TENM4: variants seen among roughly 807,000 people sequenced by gnomAD.
TENM4 encodes the protein teneurin-4.
Under a neutral mutation model 243.3 loss-of-function variants are expected in TENM4, and 82 were observed. The ratio of observed to expected loss-of-function variants is 0.34; its 90% CI spans 0.28 to 0.40. The LOEUF is 0.40. TENM4 is among the 10% of genes least tolerant of loss of function. The pLI is 1.00. For missense variants in TENM4, 3,138 were observed against 3,673.3 expected (o/e 0.85, Z 3.77); for synonymous variants, 1,412 against 1,456.3 (o/e 0.97, Z 0.69).
intron 2 of TENM4, among the ~76,000 whole-genome samples, chr11:79,289,226 T>C (rs901653875): frequency 1.3e-5 from 2 of 152,216 alleles, no homozygotes; most frequent in African/African-American, 4.8e-5. Context: ...TTCTGAGCCC[T>C]CATCTGAATG....
Position 79,075,002 on chromosome 11 carries a change from T to C in TENM4, c.-65-4993A>G, listed in dbSNP as rs148424462. ...CATTAAAGTCTGCTCCTCTAAGCCATCTAGAGTGAACTGTTTCCTGTTAGG... is the reference window on the plus strand; with the variant it reads ...CATTAAAGTCTGCTCCTCTAAGCCACCTAGAGTGAACTGTTTCCTGTTAGG... On this transcript the variant is annotated intron_variant, in intron 4 of 33. Coordinates refer to ENST00000278550, the MANE Select transcript of TENM4 (RefSeq NM_001098816.3). 3.3e-5 allele frequency among the ~76,000 whole-genome samples: 5 copies of C among 152,314 alleles called. No homozygotes were observed. In the East Asian group the frequency reaches 9.6e-4, roughly 29 times the overall value.
intron 3 of TENM4, among the ~76,000 whole-genome samples, chr11:79,189,036 C>A (rs965783870): frequency 6.6e-6 from 1 of 152,092 alleles, no homozygotes; most frequent in Non-Finnish European, 1.5e-5. Context: ...AGGTGGGATG[C>A]CTTTCTTGTT....
chr11:79,135,196 G>C (rs918952614), intron 4 of TENM4, among the ~76,000 whole-genome samples: 3 of 151,840 alleles, frequency 2.0e-5, no homozygotes, highest in African/African-American at 7.3e-5. Context: ...ACACGAACAG[G>C]CAATTCTCAA....
intron 2 of TENM4, among the ~76,000 whole-genome samples, chr11:79,237,242 G>T (rs1425080841): frequency 6.6e-6 from 1 of 152,132 alleles, no homozygotes; most frequent in Non-Finnish European, 1.5e-5. Context: ...TTAAAGACCT[G>T]TATTAACTGG....
intron 2 of TENM4, among the ~76,000 whole-genome samples, chr11:79,234,849 G>A (rs1342146031): frequency 6.6e-6 from 1 of 152,196 alleles, no homozygotes; most frequent in Non-Finnish European, 1.5e-5. Flanking sequence ...GGCCCGCAGT[G>A]AGCCTTTTCC....
chr11:78,926,670 G>GTT (rs965745140), intron 6 of TENM4, among the ~76,000 whole-genome samples: 3 of 133,216 alleles, frequency 2.3e-5, no homozygotes, highest in African/African-American at 9.7e-5. Context: ...AAATAAAGGT[G>GTT]TTTTTTGTTT....
At chr11:79,431,927 ATCCC>A (rs906976362) in intron 1 of TENM4, among the ~76,000 whole-genome samples, 2 of 152,046 alleles carry the variant, frequency 1.3e-5, no homozygotes, top group Non-Finnish European at 2.9e-5. Context: ...TTTTTTTTTA[ATCCC>A]AACCTTAATC....
chr11:79,130,963 C>G (rs1398705354), intron 4 of TENM4, among the ~76,000 whole-genome samples: 1 of 152,018 alleles, frequency 6.6e-6, no homozygotes, highest in African/African-American at 2.4e-5. Context: ...TAGAATTAAC[C>G]TAATCCAACA....
intron 1 of TENM4, among the ~76,000 whole-genome samples, chr11:79,332,198 G>C (rs1590886119): frequency 6.6e-6 from 1 of 152,208 alleles, no homozygotes; most frequent in East Asian, 1.9e-4. Flanking sequence ...AGCCAAGGTA[G>C]CCCAATGCCA....
At chr11:79,153,854 T>C (rs1187621642) in intron 3 of TENM4, among the ~76,000 whole-genome samples, 2 of 152,114 alleles carry the variant, frequency 1.3e-5, no homozygotes, top group African/African-American at 4.8e-5. Flanking sequence ...ACTTAGACCC[T>C]CATCCTCTCA....
At chr11:78,910,128 C>T (rs1017621141) in intron 6 of TENM4, among the ~76,000 whole-genome samples, 2 of 152,132 alleles carry the variant, frequency 1.3e-5, no homozygotes, top group Non-Finnish European at 2.9e-5. Flanking sequence ...ATGTCAATAG[C>T]CCTGTGATCT....
In TENM4 at chr11:79,023,317, T is replaced by C. The variant is rs189755165; in HGVS notation, c.493+41421A>G. On this transcript the variant is annotated intron_variant, in intron 6 of 33. Coordinates refer to ENST00000278550, the MANE Select transcript of TENM4 (RefSeq NM_001098816.3). The stretch of plus-strand genomic sequence containing the variant: ...GCTCATGCCTGTAATCCCAGCACTT[T>C]GGGAGGCTGAGGTGGGAGGATCACC... 2.3e-3 allele frequency among the ~76,000 whole-genome samples: 353 copies of C among 152,222 alleles called. 1 individual carries two copies. Among genetic ancestry groups the C allele is most frequent in the Non-Finnish European group, 3.5e-3 (236 of 67,996 alleles).
Position 79,339,087 on chromosome 11 carries a change from A to G in TENM4, c.-320-41544T>C, listed in dbSNP as rs529158539. Reference sequence around the variant, plus strand: ...TCTGAGTGCCAGGAAGATCCAGCAGAAAGTGGTTTTCCCTGTACTCCAACT... The same window carrying G: ...TCTGAGTGCCAGGAAGATCCAGCAGGAAGTGGTTTTCCCTGTACTCCAACT... On this transcript the variant is annotated intron_variant, in intron 1 of 33. Transcript: ENST00000278550. 9.4e-4 allele frequency among the ~76,000 whole-genome samples: 143 copies of G among 152,356 alleles called. 1 individual carries two copies. Among genetic ancestry groups the G allele is most frequent in the Non-Finnish European group, 8.4e-4 (57 of 68,028 alleles).
intron 6 of TENM4, among the ~76,000 whole-genome samples, chr11:78,969,389 T>C (rs1471146660): frequency 6.6e-6 from 1 of 152,258 alleles, no homozygotes; most frequent in African/African-American, 2.4e-5. Context: ...GGTAACTTTC[T>C]CTTGCATTTG....
In TENM4 at chr11:78,701,705, A is replaced by C. The variant is rs1036358627; in HGVS notation, c.4908T>G (p.Thr1636=). ...GGACCACCAGCCAGAGGGGCATCCC[A>C]GTAGAGTCTCGGCGGACATTTACCA... ...GNMVNVRRDS[T]GMPLWLVVPD... The change falls in exon 28 of 34, where the codon ACT becomes ACG. Residue 1636 remains threonine, a synonymous_variant. Coordinates refer to ENST00000278550, the MANE Select transcript of TENM4 (RefSeq NM_001098816.3). 11 of 1,613,668 alleles carry C rather than the reference A, an allele frequency of 6.8e-6. No homozygotes were observed. The highest frequency in any genetic ancestry group is 1.3e-5 in the African/African-American group (1 of 74,880).
chr11:78,729,101 G>A (rs1565352409), intron 22 of TENM4, among the ~76,000 whole-genome samples: 1 of 152,094 alleles, frequency 6.6e-6, no homozygotes, highest in Non-Finnish European at 1.5e-5. Flanking sequence ...CTGCCTTTGT[G>A]GCACATGACC....
At chr11:78,691,178 C>T (rs1025971406) in intron 28 of TENM4, among the ~76,000 whole-genome samples, 1 of 152,146 alleles carries the variant, frequency 6.6e-6, no homozygotes, top group Non-Finnish European at 1.5e-5. Context: ...TACAAGTCGT[C>T]CCCCTCTTTG....
intron 6 of TENM4, among the ~76,000 whole-genome samples, chr11:79,050,429 G>A (rs769918458): frequency 2.0e-5 from 3 of 152,086 alleles, no homozygotes; most frequent in African/African-American, 4.8e-5. Context: ...AGAGAGAGAC[G>A]CCTGGAGGCA....
intron 4 of TENM4, among the ~76,000 whole-genome samples, chr11:79,085,458 C>T (rs1565197351): frequency 6.6e-6 from 1 of 151,140 alleles, no homozygotes; most frequent in Non-Finnish European, 1.5e-5. Context: ...GAATCTCTTA[C>T]ATACTTCTCG....
Sources: allele counts gnomAD v4.1 joint callset (sites outside exome capture counted in the v4.1 genomes callset), GRCh38; gene constraint gnomAD v4.1.1; transcripts MANE v1.5; gene names NCBI Gene and HGNC (gene_info 2026-07-23, HGNC 2026-07-21).